The following SAMM50 variants were observed in gnomAD, a reference collection of about 807,000 sequenced individuals.
SAMM50 encodes the protein sorting and assembly machinery component 50 homolog.
SAMM50 carries 47 observed loss-of-function variants against 66.9 expected under a neutral mutation model. The observed-to-expected ratio is 0.70, with a 90% CI of 0.56 to 0.90. The LOEUF is 0.90. Ranked by LOEUF, SAMM50 falls within the 40% of genes least tolerant of loss-of-function variation. The pLI, the probability that SAMM50 is intolerant of heterozygous loss-of-function variation, is 0.00. For synonymous variants in SAMM50, 191 were observed against 214.1 expected (o/e 0.89, Z 0.94); for missense variants, 535 against 595.3 (o/e 0.90, Z 1.05).
At chr22:43,964,403 ATCTG>A (rs1252718509) in intron 2 of SAMM50, 45 bp from the exon 3 acceptor site, 2 of 928,330 alleles carry the variant, frequency 2.2e-6, no homozygotes, top group Non-Finnish European at 1.7e-6. Flanking sequence ...TTGACACCTA[ATCTG>A]TTTGCCTCAT....
At chr22:43,982,139 C>T (rs2050268244) in intron 11 of SAMM50, among the ~76,000 whole-genome samples, 1 of 152,110 alleles carries the variant, frequency 6.6e-6, no homozygotes, top group South Asian at 2.1e-4. Context: ...TTAAAATATA[C>T]TGGTACAGCT....
rs774207483 is a variant in SAMM50 at position 43,990,358 on chromosome 22, G to A, written c.1316G>A (p.Arg439Gln). 3.8e-5 allele frequency: 62 copies of A among 1,614,046 alleles called. No homozygotes were observed. Among genetic ancestry groups the A allele is most frequent in the Admixed American group, 1.2e-4 (7 of 60,012 alleles). The change falls in exon 14 of 15, where the codon CGG becomes CAG. Residue 439 changes from arginine (R) to glutamine (Q), a missense_variant. By Grantham distance (43) the Arg-to-Gln change is conservative. Transcript: ENST00000350028. ...GIVLRLGNIARLELNYCVPMG... is the reference protein window; with the variant it reads ...GIVLRLGNIAQLELNYCVPMG... Reference sequence around the variant, plus strand: ...GTCCTCAGGCTTGGCAACATCGCTCGGTTGGAACTTAATTACTGCGTCCCC... The same window carrying A: ...GTCCTCAGGCTTGGCAACATCGCTCAGTTGGAACTTAATTACTGCGTCCCC...
intron 14 of SAMM50, among the ~76,000 whole-genome samples, chr22:43,994,520 C>G (rs2050342637): frequency 6.6e-6 from 1 of 152,116 alleles, no homozygotes; most frequent in Non-Finnish European, 1.5e-5. Flanking sequence ...CTAAAGCACC[C>G]CATGCTGGGT....
chr22:43,996,061 G>C (rs1460699208), intron 14 of SAMM50: 2 of 507,310 alleles, frequency 3.9e-6, no homozygotes, highest in African/African-American at 3.8e-5. Context: ...AGAGGGGAAC[G>C]TGAAGGAGGT....
At chr22:43,971,948 C>T (rs531486673) in intron 4 of SAMM50, among the ~76,000 whole-genome samples, 2 of 152,256 alleles carry the variant, frequency 1.3e-5, no homozygotes, top group East Asian at 1.9e-4. Flanking sequence ...ATCCTCCCAC[C>T]TTGTCCTCCC....
At chr22:43,972,189 T>G in intron 4 of SAMM50, 47 bp from the exon 5 acceptor site, 1 of 1,255,888 alleles carries the variant, frequency 8.0e-7, no homozygotes, top group Non-Finnish European at 1.1e-6. Context: ...GAACCCAAAG[T>G]AAAATAACAT....
intron 12 of SAMM50, chr22:43,987,920 A>G (rs1173643228): frequency 6.6e-6 from 1 of 152,114 alleles, no homozygotes; most frequent in Non-Finnish European, 1.5e-5. Context: ...ATATACACAC[A>G]CAGAGAGAGA....
chr22:43,981,509 A>C, intron 11 of SAMM50, 48 bp downstream of exon 11: 1 of 1,316,434 alleles, frequency 7.6e-7, no homozygotes, highest in South Asian at 1.2e-5. Flanking sequence ...TTTCCTTTGG[A>C]TCTTTTCAGT....
intron 14 of SAMM50, among the ~76,000 whole-genome samples, chr22:43,993,181 A>C (rs2050334422): frequency 6.6e-6 from 1 of 152,102 alleles, no homozygotes; most frequent in Non-Finnish European, 1.5e-5. Context: ...GGTTGACTGC[A>C]GGCCCGGGGC....
At chr22:43,993,093 T>G (rs2050333854) in intron 14 of SAMM50, among the ~76,000 whole-genome samples, 3 of 152,204 alleles carry the variant, frequency 2.0e-5, no homozygotes, top group African/African-American at 7.2e-5. Context: ...CAGGTTCTCA[T>G]TTGAATCCTT....
chr22:43,967,823 C>T (rs1181467976), intron 3 of SAMM50, among the ~76,000 whole-genome samples: 1 of 152,226 alleles, frequency 6.6e-6, no homozygotes, highest in East Asian at 1.9e-4. Context: ...GCCTTACCTT[C>T]CTTCTACCTG....
chr22:43,982,958 C>T lies in SAMM50; in HGVS notation c.1008-975C>T, dbSNP rs183920458. Among the ~76,000 whole-genome samples, 70 of 152,318 alleles carry T rather than the reference C, an allele frequency of 4.6e-4. 1 individual carries two copies. Among genetic ancestry groups the T allele is most frequent in the Admixed American group, 3.9e-3 (59 of 15,290 alleles). ...GCCTGATTGATCATTTCTTTAAAAA[C>T]GAAGCTTGCTGTTTTTGCAATTCAT... is the stretch of plus-strand genomic sequence containing the variant. On this transcript the variant is annotated intron_variant, in intron 11 of 14. Coordinates refer to ENST00000350028, the MANE Select transcript of SAMM50 (RefSeq NM_015380.5).
At chr22:43,984,089 T>C (rs922660594) in intron 12 of SAMM50, 89 bp downstream of exon 12, 2 of 1,099,784 alleles carry the variant, frequency 1.8e-6, no homozygotes, top group Admixed American at 4.7e-5. Context: ...ACAGCGATAA[T>C]AGACATTCCT....
At chr22:43,993,698 G>A (rs1385717120) in intron 14 of SAMM50, among the ~76,000 whole-genome samples, 2 of 152,194 alleles carry the variant, frequency 1.3e-5, no homozygotes, top group East Asian at 1.9e-4. Flanking sequence ...GGCCTTGTTT[G>A]AGGTTGGTCA....
Position 43,962,111 on chromosome 22 carries a change from T to A in SAMM50, c.22-1175T>A, listed in dbSNP as rs1467535147. 2.6e-5 allele frequency among the ~76,000 whole-genome samples: 4 copies of A among 152,224 alleles called. 1 individual carries two copies. Among genetic ancestry groups the A allele is most frequent in the Non-Finnish European group, 5.9e-5 (4 of 68,048 alleles). On this transcript the variant is annotated intron_variant, in intron 1 of 14. Coordinates refer to ENST00000350028, the MANE Select transcript of SAMM50 (RefSeq NM_015380.5). ...GTTGAAAATGCATCTAATACACATA[T>A]CCGACAGAACATCATAGCTTAGCCT... is the stretch of plus-strand genomic sequence containing the variant.
At chr22:43,961,808 C>T (rs1310053832) in intron 1 of SAMM50, among the ~76,000 whole-genome samples, 1 of 152,100 alleles carries the variant, frequency 6.6e-6, no homozygotes, top group Admixed American at 6.6e-5. Context: ...ATCTTGAACT[C>T]TTGGGCTCAA....
chr22:43,996,309 G>A, intron 14 of SAMM50, 29 bp from the exon 15 acceptor site: 1 of 1,613,648 alleles, frequency 6.2e-7, no homozygotes, highest in Non-Finnish European at 8.5e-7. Context: ...CGGAGCGGCC[G>A]CCGCATCTGA....
chr22:43,992,266 C>G (rs532785777), intron 14 of SAMM50, among the ~76,000 whole-genome samples: 1 of 152,372 alleles, frequency 6.6e-6, no homozygotes, highest in East Asian at 1.9e-4. Flanking sequence ...CATCGCCTCT[C>G]AGGTGCAGTC....
rs1030250100 is a variant in SAMM50, at chr22:43,957,215, C to G, written c.21+1617C>G. ...ACTCCTGGCGGCAAATCAAACAAAG[C>G]CAGAGTAATCTGGGGAAAGGTAACT... On this transcript the variant is annotated intron_variant, in intron 1 of 14. Coordinates refer to ENST00000350028, the MANE Select transcript of SAMM50 (RefSeq NM_015380.5). The G allele has an allele frequency of 1.0e-5, 7 of 674,760 alleles. No homozygotes were observed. In the African/African-American group the frequency reaches 1.1e-4, roughly 10 times the overall value. The allele number at this position is 674,760 out of a possible 1,614,324, so 41.8% of individuals were successfully genotyped here. A position where few individuals can be genotyped will look rare whatever the true frequency, so the allele number is the denominator to read the frequency against.
Sources: gnomAD v4.1 joint callset for allele counts (sites outside exome capture counted in the v4.1 genomes callset) on GRCh38, gnomAD v4.1.1 for gene constraint, MANE v1.5 for transcripts, NCBI Gene and HGNC (gene_info 2026-07-23, HGNC 2026-07-21) for gene names.